Variants in LINGO2 observed in about 807,000 individuals in gnomAD.
LINGO2 encodes the protein leucine rich repeat and Ig domain containing 2.
Under a neutral mutation model 30.6 loss-of-function variants are expected in LINGO2, and 14 were observed. The ratio of observed to expected loss-of-function variants is 0.46; its 90% CI spans 0.30 to 0.72. The LOEUF is 0.72. LINGO2 is among the 30% of genes least tolerant of loss of function. LINGO2 has a pLI of 0.07. For missense variants in LINGO2, 729 were observed against 751.7 expected, an observed-to-expected ratio of 0.97 and a Z score of 0.35; for synonymous variants, 317 against 288.5, an observed-to-expected ratio of 1.10 and a Z score of -1.00.
At chr9:28,569,639 G>T (rs900264451) in intron 1 of LINGO2, among the ~76,000 whole-genome samples, 4 of 123,590 alleles carry the variant, frequency 3.2e-5, no homozygotes, top group Non-Finnish European at 6.6e-5. Context: ...TAGAACAAAT[G>T]GGGGGATATT....
At chr9:29,110,817 A>G in the LINGO2 span, among the ~76,000 whole-genome samples, 1 of 151,638 alleles carries the variant, frequency 6.6e-6, no homozygotes, top group African/African-American at 2.4e-5. Flanking sequence ...CAGCCTCCCA[A>G]GTAGTTGGGA....
intron 5 of LINGO2, among the ~76,000 whole-genome samples, chr9:28,007,997 G>C (rs965481457): frequency 7.9e-5 from 12 of 152,180 alleles, no homozygotes; most frequent in Admixed American, 7.9e-4. Flanking sequence ...CTTAGATGGT[G>C]AAGATGACCA....
chr9:28,308,198 A>C lies in LINGO2; in HGVS notation c.-245-12832T>G, dbSNP rs111799999. On this transcript the variant is annotated intron_variant, in intron 3 of 5. Transcript: ENST00000379992. The stretch of plus-strand genomic sequence containing the variant: ...TCAAAGTATACTACAAGGCTACAGT[A>C]ACCAAAACAGCATGGTACTGGTACC... Among the ~76,000 whole-genome samples, 819 of 127,954 alleles carry C rather than the reference A, an allele frequency of 6.4e-3. 73 individuals carry two copies. Among genetic ancestry groups the C allele is most frequent in the African/African-American group, 0.016 (637 of 38,766 alleles). The allele number at this position is 127,954 out of a possible 152,430, so 83.9% of individuals were successfully genotyped here.
chr9:29,192,887 A>C, the LINGO2 span, among the ~76,000 whole-genome samples: 1 of 152,152 alleles, frequency 6.6e-6, no homozygotes, highest in East Asian at 1.9e-4. Context: ...CCCAGTCCTT[A>C]CTGCTCCACT....
chr9:28,005,787 T>C (rs1230600676), intron 5 of LINGO2, among the ~76,000 whole-genome samples: 1 of 152,092 alleles, frequency 6.6e-6, no homozygotes, highest in African/African-American at 2.4e-5. Context: ...ATCTTTCCTT[T>C]ATAGGGCCAC....
chr9:28,238,361 A>G (rs1821656298), intron 4 of LINGO2, among the ~76,000 whole-genome samples: 2 of 152,216 alleles, frequency 1.3e-5, no homozygotes, highest in Non-Finnish European at 2.9e-5. Context: ...TCCTCACCAC[A>G]TAGATCATTC....
the LINGO2 span, among the ~76,000 whole-genome samples, chr9:28,898,969 C>G: frequency 1.3e-5 from 2 of 152,128 alleles, no homozygotes; most frequent in African/African-American, 4.8e-5. Flanking sequence ...TTCATTGAAA[C>G]GTTTTATGGT....
chr9:29,016,903 T>A, the LINGO2 span, among the ~76,000 whole-genome samples: 1 of 152,162 alleles, frequency 6.6e-6, no homozygotes, highest in African/African-American at 2.4e-5. Context: ...TTTTCTTCTG[T>A]AGCTTGTTCA....
At chr9:28,502,761 A>T (rs1400420204) in intron 1 of LINGO2, among the ~76,000 whole-genome samples, 1 of 152,126 alleles carries the variant, frequency 6.6e-6, no homozygotes, top group East Asian at 1.9e-4. Flanking sequence ...ACAGTGCAAC[A>T]GGCCACTAAA....
At chr9:28,851,220 G>A in the LINGO2 span, among the ~76,000 whole-genome samples, 1 of 152,046 alleles carries the variant, frequency 6.6e-6, no homozygotes, top group Non-Finnish European at 1.5e-5. Context: ...TCAAGGTGTT[G>A]AAATGGCTGC....
intron 3 of LINGO2, among the ~76,000 whole-genome samples, chr9:28,365,503 C>T (rs1377125504): frequency 7.2e-5 from 11 of 152,066 alleles, no homozygotes; most frequent in Non-Finnish European, 1.2e-4. Context: ...TGCAAGAGCT[C>T]GCACCACGTT....
chr9:28,471,436 G>T (rs1825514664), intron 2 of LINGO2, among the ~76,000 whole-genome samples: 1 of 152,090 alleles, frequency 6.6e-6, no homozygotes, highest in Non-Finnish European at 1.5e-5. Flanking sequence ...GAGTTAACAG[G>T]ATCAAACAAG....
intron 2 of LINGO2, among the ~76,000 whole-genome samples, chr9:28,463,736 A>G (rs1480847886): frequency 1.4e-5 from 2 of 138,804 alleles, no homozygotes; most frequent in African/African-American, 2.7e-5. Context: ...GAAGAGTTTT[A>G]TAATTCAATC....
the LINGO2 span, among the ~76,000 whole-genome samples, chr9:28,932,689 T>C: frequency 4.7e-5 from 7 of 150,084 alleles, no homozygotes; most frequent in Admixed American, 3.4e-4. Context: ...CATTGTATAA[T>C]TTAAGAACCT....
chr9:29,076,632 A>T, the LINGO2 span, among the ~76,000 whole-genome samples: 5 of 138,962 alleles, frequency 3.6e-5, no homozygotes, highest in Non-Finnish European at 6.3e-5. Context: ...TAAATAAATA[A>T]ATATATATAT....
At chr9:28,499,514 T>C (rs1456838906) in intron 1 of LINGO2, among the ~76,000 whole-genome samples, 1 of 152,182 alleles carries the variant, frequency 6.6e-6, no homozygotes, top group Non-Finnish European at 1.5e-5. Flanking sequence ...AATTTAGACA[T>C]ATATGGGTTT....
At chr9:28,061,588 G>A (rs1342452840) in intron 4 of LINGO2, among the ~76,000 whole-genome samples, 2 of 151,816 alleles carry the variant, frequency 1.3e-5, no homozygotes, top group African/African-American at 4.8e-5. Context: ...TGAAATAAAA[G>A]GAAAATATGA....
the LINGO2 span, among the ~76,000 whole-genome samples, chr9:29,200,413 T>C: frequency 6.6e-6 from 1 of 152,264 alleles, no homozygotes; most frequent in African/African-American, 2.4e-5. Flanking sequence ...ATTTTTCTTT[T>C]TCAGTGATAC....
At chr9:28,885,741 G>A in the LINGO2 span, among the ~76,000 whole-genome samples, 2 of 152,022 alleles carry the variant, frequency 1.3e-5, no homozygotes, top group African/African-American at 4.8e-5. Flanking sequence ...ACTTCTGAGG[G>A]GTAGAACAGC....
Sources: gnomAD v4.1 joint callset for allele counts (sites outside exome capture counted in the v4.1 genomes callset) on GRCh38, gnomAD v4.1.1 for gene constraint, MANE v1.5 for transcripts, NCBI Gene and HGNC (gene_info 2026-07-23, HGNC 2026-07-21) for gene names.